The following SVOPL variants were observed in gnomAD, a reference collection of about 807,000 sequenced individuals.
SVOPL encodes the protein putative transporter SVOPL.
Under a neutral mutation model 61.0 loss-of-function variants are expected in SVOPL, and 60 were observed. The ratio of observed to expected loss-of-function variants is 0.98; its 90% CI spans 0.80 to 1.22. The LOEUF (loss-of-function observed/expected upper bound fraction) is 1.22. SVOPL is among the 50% of genes most tolerant of loss of function. The pLI is 0.00. For synonymous variants in SVOPL, 279 were observed against 250.0 expected, an observed-to-expected ratio of 1.12 and a Z score of -1.09; for missense variants, 662 against 643.9, an observed-to-expected ratio of 1.03 and a Z score of -0.30.
intron 1 of SVOPL, among the ~76,000 whole-genome samples, chr7:138,682,069 A>AAAATTT (rs1381359290): frequency 6.6e-6 from 1 of 152,230 alleles, no homozygotes; most frequent in East Asian, 1.9e-4. Context: ...TTGTCTGTAC[A>AAAATTT]TCAGGGTAAC....
At chr7:138,598,572 T>TA (rs1168898540) in intron 14 of SVOPL, among the ~76,000 whole-genome samples, 1 of 152,108 alleles carries the variant, frequency 6.6e-6, no homozygotes. Context: ...TCCAGGGCCC[T>TA]AAAAGGATCC....
chr7:138,690,734 A>G (rs1477830367), intron 1 of SVOPL, among the ~76,000 whole-genome samples: 1 of 151,902 alleles, frequency 6.6e-6, no homozygotes, highest in Non-Finnish European at 1.5e-5. Context: ...CCTTGTGAAC[A>G]TACTCAAGAT....
At chr7:138,646,814 T>G (rs999461144) in intron 8 of SVOPL, among the ~76,000 whole-genome samples, 1 of 152,184 alleles carries the variant, frequency 6.6e-6, no homozygotes, top group Non-Finnish European at 1.5e-5. Context: ...CCACCATGTC[T>G]GGCCAGCAGA....
chr7:138,633,104 G>A (rs1489259061), intron 9 of SVOPL, among the ~76,000 whole-genome samples: 1 of 152,194 alleles, frequency 6.6e-6, no homozygotes, highest in African/African-American at 2.4e-5. Context: ...ATCTCAGTAG[G>A]AAGGAAGAAG....
chr7:138,646,130 C>T (rs1352261154), intron 8 of SVOPL: 3 of 204,308 alleles, frequency 1.5e-5, no homozygotes, highest in African/African-American at 4.7e-5. Flanking sequence ...TTTTTCTGAT[C>T]ATTTTCTGCA....
At chr7:138,694,040 A>C in intron 1 of SVOPL, among the ~76,000 whole-genome samples, 1 of 152,178 alleles carries the variant, frequency 6.6e-6, no homozygotes. Context: ...CAAGAATTTA[A>C]AAGACTGATT....
intron 11 of SVOPL, 118 bp downstream of exon 11, chr7:138,628,040 A>C: frequency 8.3e-7 from 1 of 1,210,774 alleles, no homozygotes. Flanking sequence ...CTACTTGGCA[A>C]CTTATTCAGT....
chr7:138,661,362 A>G (rs1801991474), intron 5 of SVOPL: 2 of 985,286 alleles, frequency 2.0e-6, no homozygotes, highest in African/African-American at 1.7e-5. Flanking sequence ...CCACACTCTA[A>G]TATGTTTTAA....
intron 10 of SVOPL, among the ~76,000 whole-genome samples, chr7:138,628,989 A>G (rs1302619995): frequency 6.6e-6 from 1 of 152,178 alleles, no homozygotes; most frequent in Non-Finnish European, 1.5e-5. Flanking sequence ...CCTGGGCAAC[A>G]AAGCAAAACC....
At chr7:138,611,092 C>G (rs950805257) in intron 14 of SVOPL, among the ~76,000 whole-genome samples, 1 of 152,092 alleles carries the variant, frequency 6.6e-6, no homozygotes, top group Non-Finnish European at 1.5e-5. Flanking sequence ...TGATTAAAAC[C>G]TTGGCCGGGC....
rs1235642812 is a variant in SVOPL, at chr7:138,612,241, C to G, written c.1353+8805G>C. Among the ~76,000 whole-genome samples the G allele has an allele frequency of 5.4e-5, 2 of 36,772 alleles. 1 individual carries two copies. Among genetic ancestry groups the G allele is most frequent in the African/African-American group, 1.4e-4 (2 of 14,526 alleles). The allele number at this position is 36,772 out of a possible 152,430, so 24.1% of individuals were successfully genotyped here. A position where few individuals can be genotyped will look rare whatever the true frequency, so the allele number is the denominator to read the frequency against. On this transcript the variant is annotated intron_variant, in intron 14 of 15. Coordinates refer to ENST00000674285, the MANE Select transcript of SVOPL (RefSeq NM_001139456.2). ...TCACCAATCCCTAATCTCAAGTAATCAGGGACACAAACACTGCGGAAGGCC... is the reference window on the plus strand; with the variant it reads ...TCACCAATCCCTAATCTCAAGTAATGAGGGACACAAACACTGCGGAAGGCC...
chr7:138,674,608 G>A (rs546115017), intron 3 of SVOPL, among the ~76,000 whole-genome samples: 27 of 152,124 alleles, frequency 1.8e-4, no homozygotes, highest in African/African-American at 5.3e-4. Flanking sequence ...TGTAATCCCA[G>A]CACTTTGGGA....
chr7:138,642,831 C>CAAAAAAAAAAAAAAAAAAAAAAA (rs749603417), intron 9 of SVOPL, among the ~76,000 whole-genome samples: 21 of 26,882 alleles, frequency 7.8e-4, no homozygotes, highest in South Asian at 3.9e-3. Flanking sequence ...CTCCTACCTC[C>CAAAAAAAAAAAAAAAAAAAAAAA]AAAAAAAAAA....
At chr7:138,610,648 G>A (rs1345087342) in intron 14 of SVOPL, among the ~76,000 whole-genome samples, 1 of 152,134 alleles carries the variant, frequency 6.6e-6, no homozygotes, top group Non-Finnish European at 1.5e-5. Flanking sequence ...CCGAACCCTA[G>A]CCCAGCTCCT....
chr7:138,636,994 CCTGT>C (rs1301234125), intron 9 of SVOPL, among the ~76,000 whole-genome samples: 3 of 152,052 alleles, frequency 2.0e-5, no homozygotes, highest in Admixed American at 2.0e-4. Flanking sequence ...CAATAACAGA[CCTGT>C]CTATCCTTTT....
intron 9 of SVOPL, among the ~76,000 whole-genome samples, chr7:138,630,576 TTTTC>T (rs566507410): frequency 6.6e-4 from 101 of 152,326 alleles, no homozygotes; most frequent in African/African-American, 2.3e-3. Context: ...CCTAATTTCT[TTTTC>T]TGTCTCTAAG....
chr7:138,653,373 G>A (rs1307334844), intron 7 of SVOPL, among the ~76,000 whole-genome samples: 2 of 152,094 alleles, frequency 1.3e-5, no homozygotes, highest in African/African-American at 4.8e-5. Context: ...GGCTACAGAG[G>A]AAAAAATCAG....
chr7:138,624,996 C>T (rs2116898255), intron 13 of SVOPL: 1 of 152,324 alleles, frequency 6.6e-6, no homozygotes, highest in African/African-American at 2.4e-5. Flanking sequence ...CCACTGCGCC[C>T]AGCCTGGAAC....
intron 1 of SVOPL, among the ~76,000 whole-genome samples, chr7:138,687,228 CTTTTTT>C (rs71179722): frequency 1.5e-3 from 112 of 77,044 alleles, no homozygotes; most frequent in African/African-American, 5.3e-3. Flanking sequence ...CTTTTTTCCT[CTTTTTT>C]TTTTTTTTTT....
Sources: gnomAD v4.1 joint callset for allele counts (sites outside exome capture counted in the v4.1 genomes callset) on GRCh38, gnomAD v4.1.1 for gene constraint, MANE v1.5 for transcripts, NCBI Gene and HGNC (gene_info 2026-07-23, HGNC 2026-07-21) for gene names.